Variants in TTC28 observed in about 807,000 individuals in gnomAD.
TTC28 encodes tetratricopeptide repeat protein 28.
In TTC28, 61 loss-of-function variants were observed where a neutral mutation model predicts 198.0. The ratio of observed to expected loss-of-function variants is 0.31; its 90% CI spans 0.25 to 0.38. The LOEUF (loss-of-function observed/expected upper bound fraction) is 0.38. Ranked by LOEUF, TTC28 falls within the 10% of genes least tolerant of loss-of-function variation. The probability of loss-of-function intolerance (pLI) is 1.00; values close to 1 mark genes in which losing one functional copy is unlikely to be tolerated. For missense variants in TTC28, 2,678 were observed against 3,164.0 expected (o/e 0.85, Z 3.69); for synonymous variants, 1,171 against 1,297.8 (o/e 0.90, Z 2.10).
At chr22:28,076,947 T>A (rs1941188422) in intron 12 of TTC28, among the ~76,000 whole-genome samples, 2 of 152,166 alleles carry the variant, frequency 1.3e-5, no homozygotes, top group African/African-American at 4.8e-5. Context: ...TTTTATTGCA[T>A]CTATCTGTAT....
At chr22:28,156,368 G>A (rs1337952891) in intron 6 of TTC28, among the ~76,000 whole-genome samples, 1 of 152,178 alleles carries the variant, frequency 6.6e-6, no homozygotes, top group African/African-American at 2.4e-5. Context: ...GCTGACAGGG[G>A]CAAAGAAATA....
At chr22:28,501,300 G>A (rs2048535199) in intron 2 of TTC28, among the ~76,000 whole-genome samples, 1 of 152,070 alleles carries the variant, frequency 6.6e-6, no homozygotes, top group Admixed American at 6.5e-5. Flanking sequence ...GCCTGACTCT[G>A]GAGCCTGTTA....
chr22:28,372,226 C>T (rs547703148), intron 2 of TTC28, among the ~76,000 whole-genome samples: 1 of 152,316 alleles, frequency 6.6e-6, no homozygotes, highest in East Asian at 1.9e-4. Context: ...CTACTAAAAA[C>T]ATCTAATTTC....
chr22:28,122,055 A>G (rs972658929), intron 6 of TTC28, among the ~76,000 whole-genome samples: 2 of 152,080 alleles, frequency 1.3e-5, no homozygotes, highest in African/African-American at 4.8e-5. Context: ...TTTAGTAGAG[A>G]CAGGGTTTTA....
chr22:28,632,253 CTTTTTTTTTTT>C (rs765447917), intron 1 of TTC28, among the ~76,000 whole-genome samples: 8 of 49,698 alleles, frequency 1.6e-4, no homozygotes, highest in South Asian at 1.1e-3. Context: ...TTATATTCAA[CTTTTTTTTTTT>C]TTTTTTTTTT....
At chr22:28,541,353 C>T (rs9608691) in intron 2 of TTC28, among the ~76,000 whole-genome samples, 1 of 152,170 alleles carries the variant, frequency 6.6e-6, no homozygotes, top group Admixed American at 6.5e-5. Flanking sequence ...GCACAGAGGT[C>T]TTGCTGGGTT....
chr22:28,324,531 G>A (rs1346365893), intron 2 of TTC28, among the ~76,000 whole-genome samples: 3 of 151,988 alleles, frequency 2.0e-5, no homozygotes, highest in Non-Finnish European at 4.4e-5. Context: ...ACATCAAAAA[G>A]CTTATCCACC....
At chr22:28,169,384 T>G (rs113169726) in intron 5 of TTC28, among the ~76,000 whole-genome samples, 1 of 152,118 alleles carries the variant, frequency 6.6e-6, no homozygotes, top group Non-Finnish European at 1.5e-5. Flanking sequence ...ATGTTTATTG[T>G]GGCACTACTC....
At chr22:28,654,096 A>G (rs914139122) in intron 1 of TTC28, among the ~76,000 whole-genome samples, 3 of 152,192 alleles carry the variant, frequency 2.0e-5, no homozygotes, top group Non-Finnish European at 4.4e-5. Flanking sequence ...GATTGGCTAG[A>G]TAAGCTAGTC....
intron 2 of TTC28, among the ~76,000 whole-genome samples, chr22:28,429,711 T>G (rs2146198347): frequency 6.6e-6 from 1 of 152,200 alleles, no homozygotes; most frequent in East Asian, 1.9e-4. Flanking sequence ...TACACATGGC[T>G]TACCTTTCCC....
intron 1 of TTC28, chr22:28,642,859 T>G (rs1252816299): frequency 6.6e-6 from 1 of 152,220 alleles, no homozygotes; most frequent in Admixed American, 6.5e-5. Flanking sequence ...AAATTAAAGA[T>G]TCAGTTCCTC....
At chr22:28,062,884 C>G (rs567616795) in intron 12 of TTC28, among the ~76,000 whole-genome samples, 1 of 152,252 alleles carries the variant, frequency 6.6e-6, no homozygotes, top group African/African-American at 2.4e-5. Flanking sequence ...ATTTCAACAT[C>G]TGAGTCATTC....
intron 2 of TTC28, among the ~76,000 whole-genome samples, chr22:28,401,021 C>CAT (rs1175379719): frequency 1.3e-5 from 2 of 151,762 alleles, no homozygotes; most frequent in African/African-American, 2.4e-5. Context: ...AATTCTTATT[C>CAT]ATATTTGAGT....
chr22:28,679,679 CG>C lies in TTC28; in HGVS notation c.44del (p.Pro15ArgfsTer39). ...GCCGCCTTCGGCTCCTTGCGGGGGT[CG>C]GCCCTTGGGTCGGCTCGGGCGCCGG... ...PPPAPEPTQGPTPARSRRRRE... is the reference protein window; with the variant it reads ...PPPAPEPTQGXTPARSRRRRE... On this transcript the variant is annotated frameshift_variant, in exon 1 of 23. Coordinates refer to ENST00000397906, the MANE Select transcript of TTC28 (RefSeq NM_001145418.2). LOFTEE classifies it high-confidence loss of function. 7.4e-7 allele frequency: 1 copy of C among 1,353,614 alleles called. No homozygotes were observed. Among genetic ancestry groups the C allele is most frequent in the Non-Finnish European group, 9.4e-7 (1 of 1,058,928 alleles). The allele number at this position is 1,353,614 out of a possible 1,614,324, so 83.9% of individuals were successfully genotyped here.
At chr22:28,149,473 T>A (rs1157650552) in intron 6 of TTC28, among the ~76,000 whole-genome samples, 2 of 152,344 alleles carry the variant, frequency 1.3e-5, no homozygotes, top group East Asian at 3.9e-4. Flanking sequence ...ACCTAGGGAA[T>A]GCTATGCTAA....
chr22:28,611,305 C>T (rs2146150116), intron 2 of TTC28, among the ~76,000 whole-genome samples: 1 of 152,210 alleles, frequency 6.6e-6, no homozygotes, highest in Middle Eastern at 3.4e-3. Flanking sequence ...ATGTTAAGGG[C>T]AGCCAGAGAG....
At chr22:28,296,493 G>T (rs895472536) in intron 4 of TTC28, among the ~76,000 whole-genome samples, 165 bp from the exon 5 acceptor site, 3 of 152,114 alleles carry the variant, frequency 2.0e-5, no homozygotes, top group African/African-American at 7.2e-5. Context: ...CCCTATGTGG[G>T]GAGTTACTGC....
chr22:28,241,683 C>A (rs1033963816), intron 5 of TTC28, among the ~76,000 whole-genome samples: 30 of 151,932 alleles, frequency 2.0e-4, no homozygotes, highest in African/African-American at 7.0e-4. Flanking sequence ...GGGTACACAG[C>A]AGTTCTTTAT....
intron 14 of TTC28, chr22:28,007,542 C>G (rs1160520379): frequency 6.6e-6 from 1 of 152,196 alleles, no homozygotes; most frequent in Non-Finnish European, 1.5e-5. Context: ...CCAACTTCAG[C>G]CAAATCAGCT....
Sources: gnomAD v4.1 joint callset for allele counts (sites outside exome capture counted in the v4.1 genomes callset) on GRCh38, gnomAD v4.1.1 for gene constraint, MANE v1.5 for transcripts, NCBI Gene and HGNC (gene_info 2026-07-23, HGNC 2026-07-21) for gene names.